Variants in PAWR observed in about 807,000 individuals in gnomAD.
The protein encoded by PAWR is PRKC apoptosis WT1 regulator protein.
A neutral mutation model predicts 32.0 loss-of-function variants in PAWR; 23 were observed. The ratio of observed to expected loss-of-function variants is 0.72; its 90% CI spans 0.52 to 1.02. The LOEUF (loss-of-function observed/expected upper bound fraction) is 1.02, where lower values mean the gene tolerates loss of function less well. Ranked by LOEUF, PAWR falls within the 50% of genes least tolerant of loss-of-function variation. The pLI is 0.00. For synonymous variants in PAWR, 226 were observed against 187.1 expected, an observed-to-expected ratio of 1.21 and a Z score of -1.70; for missense variants, 457 against 437.7, an observed-to-expected ratio of 1.04 and a Z score of -0.39.
In PAWR at chr12:79,585,614, T is replaced by A. The variant is rs1218086694; in HGVS notation, c.*6993A>T. The A allele has an allele frequency of 6.6e-6, 1 of 152,544 alleles. No individual in the cohort carries two copies. Among genetic ancestry groups the A allele is most frequent in the Non-Finnish European group, 1.5e-5 (1 of 68,332 alleles). 9.4% of individuals were successfully genotyped at this position (152,544 alleles called of 1,614,324 possible). ...CCTAACACAGCCTGGCACATACGGC[T>A]ACTGAATTACTAATGAATGTTATTA... On this transcript the variant is annotated 3_prime_UTR_variant, in exon 7 of 7. Coordinates refer to ENST00000328827, the MANE Select transcript of PAWR (RefSeq NM_002583.4).
At position 79,690,331 on chromosome 12, in the gene PAWR, G is replaced by A. The variant is rs1041420712; in HGVS notation, c.-87C>T. 5 of 1,362,000 alleles carry A rather than the reference G, an allele frequency of 3.7e-6. No homozygotes were observed. The African/African-American group carries it at 6.1e-5, about 17-fold the overall frequency. 84.4% of individuals were successfully genotyped at this position (1,362,000 alleles called of 1,614,324 possible). On this transcript the variant is annotated 5_prime_UTR_variant, in exon 2 of 7. Transcript: ENST00000328827. Reference sequence around the variant, plus strand: ...CTCCTCTTCCTTCCTGCGGCCCCGAGGATGCCAGGAGACGACCTCCAGGAG... The same window carrying A: ...CTCCTCTTCCTTCCTGCGGCCCCGAAGATGCCAGGAGACGACCTCCAGGAG...
At chr12:79,653,033 GTTT>G (rs569236046) in intron 2 of PAWR, among the ~76,000 whole-genome samples, 1 of 152,006 alleles carries the variant, frequency 6.6e-6, no homozygotes, top group Non-Finnish European at 1.5e-5. Context: ...TTTTGTGTTT[GTTT>G]TTTTATTTGT....
intron 4 of PAWR, chr12:79,597,108 G>A (rs1351590017): frequency 6.6e-6 from 1 of 152,000 alleles, no homozygotes; most frequent in East Asian, 1.9e-4. Context: ...ACCCAGACTG[G>A]AGTGCAGTGG....
In PAWR at chr12:79,682,040, C is replaced by T. The variant is rs1878471366; in HGVS notation, c.516+7689G>A. 2.0e-5 allele frequency among the ~76,000 whole-genome samples: 3 copies of T among 152,190 alleles called. No individual in the cohort carries two copies. The South Asian group carries it at 6.2e-4, about 32-fold the overall frequency. Reference sequence around the variant, plus strand: ...GTTTGCTTACATGACCATAGATAAGCTTAGTCTGAAAGATGTCTTTTTAAG... The same window carrying T: ...GTTTGCTTACATGACCATAGATAAGTTTAGTCTGAAAGATGTCTTTTTAAG... On this transcript the variant is annotated intron_variant, in intron 2 of 6. Transcript: ENST00000328827.
intron 4 of PAWR, 61 bp from the exon 5 acceptor site, chr12:79,596,719 T>C: frequency 1.8e-6 from 2 of 1,103,778 alleles, no homozygotes; most frequent in South Asian, 1.8e-5. Context: ...ATGCCAAGAA[T>C]ATTTTCTATT....
chr12:79,688,499 T>A (rs1327580938), intron 2 of PAWR: 1 of 151,182 alleles, frequency 6.6e-6, no homozygotes, highest in Non-Finnish European at 1.5e-5. Flanking sequence ...ACCTAGAAAT[T>A]TGATTACCAC....
At chr12:79,647,155 C>T (rs1370820883) in intron 2 of PAWR, among the ~76,000 whole-genome samples, 2 of 128,478 alleles carry the variant, frequency 1.6e-5, no homozygotes, top group African/African-American at 6.2e-5. Context: ...AGTCTGGTGA[C>T]AGAGCAAGAC....
At chr12:79,622,480 C>A (rs1476667421) in intron 2 of PAWR, among the ~76,000 whole-genome samples, 1 of 152,014 alleles carries the variant, frequency 6.6e-6, no homozygotes, top group Non-Finnish European at 1.5e-5. Context: ...ACGACAGGTC[C>A]CAGAGTGTGA....
At chr12:79,670,160 T>A (rs1877821241) in intron 2 of PAWR, among the ~76,000 whole-genome samples, 2 of 152,222 alleles carry the variant, frequency 1.3e-5, no homozygotes, top group Admixed American at 6.5e-5. Flanking sequence ...ATGTTTCTAT[T>A]GTTTTTCCCC....
chr12:79,589,554 G>C lies in PAWR; in HGVS notation c.*3053C>G, dbSNP rs1873486962. 6.6e-6 allele frequency: 1 copy of C among 151,646 alleles called. No homozygotes were observed. The highest frequency in any genetic ancestry group is 2.1e-4 in the South Asian group (1 of 4,808). 9.4% of individuals were successfully genotyped at this position (151,646 alleles called of 1,614,324 possible). ...AAACTACTTGAACAAGTGTGACAGT[G>C]CTAATCTACTATATTTAGTAAATCC... On this transcript the variant is annotated 3_prime_UTR_variant, in exon 7 of 7. Coordinates refer to ENST00000328827, the MANE Select transcript of PAWR (RefSeq NM_002583.4).
In PAWR at chr12:79,593,660, A is replaced by C. The variant is rs528983199; in HGVS notation, c.936+669T>G. On this transcript the variant is annotated intron_variant, in intron 6 of 6. Coordinates refer to ENST00000328827, the MANE Select transcript of PAWR (RefSeq NM_002583.4). ...GGGCAACAGAGAGAGACTCCTTCTC[A>C]AAAAATAATAATAATAATAATAAAG... is the stretch of plus-strand genomic sequence containing the variant. Among the ~76,000 whole-genome samples, 7 of 151,202 alleles carry C rather than the reference A, an allele frequency of 4.6e-5. No homozygotes were observed. The East Asian group carries it at 1.4e-3, about 30-fold the overall frequency.
At chr12:79,608,405 C>G (rs1231668635) in intron 4 of PAWR, among the ~76,000 whole-genome samples, 1 of 152,144 alleles carries the variant, frequency 6.6e-6, no homozygotes, top group African/African-American at 2.4e-5. Context: ...CTCGCATGAA[C>G]AGTTCACAAT....
At chr12:79,656,520 G>T (rs1340338736) in intron 2 of PAWR, among the ~76,000 whole-genome samples, 1 of 152,056 alleles carries the variant, frequency 6.6e-6, no homozygotes, top group Non-Finnish European at 1.5e-5. Context: ...CTAGGTAGAT[G>T]GTGCTACTAC....
intron 2 of PAWR, among the ~76,000 whole-genome samples, chr12:79,655,026 G>A (rs909412900): frequency 7.9e-5 from 12 of 152,186 alleles, no homozygotes; most frequent in Non-Finnish European, 2.9e-5. Flanking sequence ...AGCTCGCTAA[G>A]CTGCCAGGTA....
intron 2 of PAWR, among the ~76,000 whole-genome samples, chr12:79,671,912 A>C (rs926364736): frequency 1.3e-5 from 2 of 152,158 alleles, no homozygotes; most frequent in Non-Finnish European, 2.9e-5. Flanking sequence ...TAAAAATAAA[A>C]ATATTAAAAA....
At position 79,594,053 on chromosome 12, in the gene PAWR, G is replaced by T. The variant is rs558457159; in HGVS notation, c.936+276C>A. ...CTCTGTGCCAGTGCCCTTACATATG[G>T]TAGTGACAAAGCGCCTGTCACCCTC... On this transcript the variant is annotated intron_variant, in intron 6 of 6. Transcript: ENST00000328827. 1.5e-3 allele frequency among the ~76,000 whole-genome samples: 235 copies of T among 151,948 alleles called. 1 individual carries two copies. Among genetic ancestry groups the T allele is most frequent in the Admixed American group, 5.2e-3 (80 of 15,256 alleles).
intron 2 of PAWR, among the ~76,000 whole-genome samples, chr12:79,652,231 C>T (rs772277919): frequency 2.7e-4 from 41 of 151,814 alleles, no homozygotes; most frequent in Non-Finnish European, 4.1e-4. Context: ...TAAAATGGTT[C>T]GATGCTAAGT....
chr12:79,610,814 A>T (rs866130789), intron 4 of PAWR, among the ~76,000 whole-genome samples: 2 of 151,318 alleles, frequency 1.3e-5, no homozygotes, highest in Non-Finnish European at 2.9e-5. Flanking sequence ...AAAAACCCAC[A>T]AATTGGTAAC....
At position 79,690,342 on chromosome 12, in the gene PAWR, G is replaced by T; in HGVS notation, c.-98C>A. On this transcript the variant is annotated 5_prime_UTR_variant, in exon 2 of 7. Transcript: ENST00000328827. Reference sequence around the variant, plus strand: ...TCCTGCGGCCCCGAGGATGCCAGGAGACGACCTCCAGGAGAGGGACGGCCG... The same window carrying T: ...TCCTGCGGCCCCGAGGATGCCAGGATACGACCTCCAGGAGAGGGACGGCCG... 1 of 1,360,148 alleles carries T rather than the reference G, an allele frequency of 7.4e-7. No homozygotes were observed. Among genetic ancestry groups the T allele is most frequent in the Non-Finnish European group, 9.4e-7 (1 of 1,060,852 alleles). The allele number at this position is 1,360,148 out of a possible 1,614,324, so 84.3% of individuals were successfully genotyped here.
Sources: gnomAD v4.1 joint callset for allele counts (sites outside exome capture counted in the v4.1 genomes callset) on GRCh38, gnomAD v4.1.1 for gene constraint, MANE v1.5 for transcripts, NCBI Gene and HGNC (gene_info 2026-07-23, HGNC 2026-07-21) for gene names.